KLHL32: variants seen among roughly 807,000 people sequenced by gnomAD.
The protein encoded by KLHL32 is kelch like family member 32.
Under a neutral mutation model 64.8 loss-of-function variants are expected in KLHL32, and 35 were observed. The ratio of observed to expected loss-of-function variants is 0.54; its 90% CI spans 0.41 to 0.72. The LOEUF (loss-of-function observed/expected upper bound fraction) is 0.72. Among genes scored for constraint, KLHL32 ranks in the 30% least tolerant of loss-of-function variants. The pLI is 0.00. For missense variants in KLHL32, 589 were observed against 768.5 expected (o/e 0.77, Z 2.76); for synonymous variants, 259 against 281.0 (o/e 0.92, Z 0.78).
intron 3 of KLHL32, among the ~76,000 whole-genome samples, chr6:97,005,019 T>A (rs1779487758): frequency 6.6e-6 from 1 of 152,092 alleles, no homozygotes; most frequent in African/African-American, 2.4e-5. Context: ...GAAGAGTACA[T>A]CCTCCCCAAT....
intron 3 of KLHL32, among the ~76,000 whole-genome samples, chr6:97,027,017 C>G (rs558502794): frequency 6.6e-6 from 1 of 152,044 alleles, no homozygotes; most frequent in African/African-American, 2.4e-5. Flanking sequence ...CAAAAACCAG[C>G]TGGGCGTGGT....
In KLHL32 at chr6:97,104,141, C is replaced by T. The variant is rs570474191; in HGVS notation, c.628-9642C>T. 2.0e-4 allele frequency among the ~76,000 whole-genome samples: 31 copies of T among 152,340 alleles called. 1 individual carries two copies. In the Middle Eastern group the frequency reaches 0.014, roughly 67 times the overall value. On this transcript the variant is annotated intron_variant, in intron 6 of 10. Coordinates refer to ENST00000369261, the MANE Select transcript of KLHL32 (RefSeq NM_052904.4). ...TCTTATCCTATCTTGATTTTCTCTT[C>T]ATCTTGATATAAAATTTACCTTTTA...
At chr6:97,084,953 T>C (rs1793159049) in intron 5 of KLHL32, among the ~76,000 whole-genome samples, 173 bp from the exon 6 acceptor site, 1 of 152,174 alleles carries the variant, frequency 6.6e-6, no homozygotes, top group African/African-American at 2.4e-5. Flanking sequence ...CTAGAATAGC[T>C]GTTCTCTATG....
At chr6:97,101,414 T>C (rs1795711714) in intron 6 of KLHL32, among the ~76,000 whole-genome samples, 1 of 152,190 alleles carries the variant, frequency 6.6e-6, no homozygotes, top group African/African-American at 2.4e-5. Context: ...AGTTTTATGA[T>C]ATTAATGGAA....
chr6:96,986,829 C>T (rs112617150), intron 3 of KLHL32, among the ~76,000 whole-genome samples: 1,755 of 152,094 alleles, frequency 0.012, 41 homozygotes, highest in African/African-American at 0.04. Flanking sequence ...CTGGGTGAGA[C>T]GATGCCTCGC....
At chr6:96,989,787 T>C (rs1284797208) in intron 3 of KLHL32, among the ~76,000 whole-genome samples, 1 of 152,202 alleles carries the variant, frequency 6.6e-6, no homozygotes, top group Non-Finnish European at 1.5e-5. Flanking sequence ...TCTTGGAGGA[T>C]TTACTCATTT....
chr6:97,121,843 G>C (rs1212631582), intron 7 of KLHL32, among the ~76,000 whole-genome samples: 2 of 152,172 alleles, frequency 1.3e-5, no homozygotes, highest in Non-Finnish European at 2.9e-5. Context: ...GATGGTTAAA[G>C]CTACGCCATA....
chr6:97,004,465 C>T (rs752219479), intron 3 of KLHL32, among the ~76,000 whole-genome samples: 4 of 152,096 alleles, frequency 2.6e-5, no homozygotes, highest in Non-Finnish European at 5.9e-5. Context: ...GGATGCCTTT[C>T]ATTTCTTTCT....
At chr6:97,079,844 A>G (rs1462349539) in intron 5 of KLHL32, among the ~76,000 whole-genome samples, 6 of 152,126 alleles carry the variant, frequency 3.9e-5, no homozygotes, top group Admixed American at 6.5e-5. Flanking sequence ...AAGCAGTGTG[A>G]CAGAAATGAA....
intron 1 of KLHL32, among the ~76,000 whole-genome samples, chr6:96,938,018 C>G (rs1770822976): frequency 6.6e-6 from 1 of 152,204 alleles, no homozygotes. Context: ...GATTCCTTGA[C>G]AACCTTTAGT....
In KLHL32 at chr6:97,000,427, G is replaced by A. The variant is rs148146864; in HGVS notation, c.204+24250G>A. ...GAAGTCTTTCTTGAGGAAGCATGTA[G>A]TAAGTTCATTTGTGTGCTGGTAACC... On this transcript the variant is annotated intron_variant, in intron 3 of 10. Coordinates refer to ENST00000369261, the MANE Select transcript of KLHL32 (RefSeq NM_052904.4). 1.3e-3 allele frequency among the ~76,000 whole-genome samples: 202 copies of A among 152,298 alleles called. 1 individual carries two copies. The highest frequency in any genetic ancestry group is 4.7e-3 in the African/African-American group (194 of 41,564).
chr6:97,106,974 A>AT (rs1156642985), intron 6 of KLHL32, among the ~76,000 whole-genome samples: 1 of 152,092 alleles, frequency 6.6e-6, no homozygotes, highest in Non-Finnish European at 1.5e-5. Flanking sequence ...AGCAGAATTT[A>AT]TTTTTCTAAT....
chr6:97,092,621 C>T (rs1230452628), intron 6 of KLHL32, among the ~76,000 whole-genome samples: 1 of 152,122 alleles, frequency 6.6e-6, no homozygotes, highest in Admixed American at 6.5e-5. Context: ...CTTTGAGGGG[C>T]CCCTAGCTGG....
intron 6 of KLHL32, among the ~76,000 whole-genome samples, chr6:97,098,383 C>T (rs961988302): frequency 2.0e-5 from 3 of 151,746 alleles, no homozygotes; most frequent in African/African-American, 7.3e-5. Context: ...TTTTTTCCTC[C>T]AATGAACATT....
intron 4 of KLHL32, among the ~76,000 whole-genome samples, chr6:97,055,162 C>T (rs1787595920): frequency 6.6e-6 from 1 of 152,136 alleles, no homozygotes; most frequent in African/African-American, 2.4e-5. Flanking sequence ...TGATGAGTTT[C>T]TCACCCTCTC....
chr6:97,052,012 A>G (rs1786990713), intron 4 of KLHL32, among the ~76,000 whole-genome samples: 1 of 152,194 alleles, frequency 6.6e-6, no homozygotes, highest in South Asian at 2.1e-4. Flanking sequence ...CCTTAATATA[A>G]AAAGGCCACC....
At chr6:97,104,411 C>T (rs1796131713) in intron 6 of KLHL32, among the ~76,000 whole-genome samples, 2 of 152,122 alleles carry the variant, frequency 1.3e-5, no homozygotes, top group Admixed American at 1.3e-4. Context: ...AGATGATTAC[C>T]AGAGAACAAA....
intron 3 of KLHL32, among the ~76,000 whole-genome samples, chr6:96,982,665 G>A (rs554465862): frequency 1.8e-4 from 27 of 152,282 alleles, no homozygotes; most frequent in Non-Finnish European, 3.8e-4. Flanking sequence ...GTTCACTCAT[G>A]ATTTGGTTCT....
intron 5 of KLHL32, among the ~76,000 whole-genome samples, chr6:97,079,897 A>G (rs979145375): frequency 6.6e-6 from 1 of 152,216 alleles, no homozygotes; most frequent in Non-Finnish European, 1.5e-5. Context: ...CTTTTACTCA[A>G]GAGAGTTTCT....
Sources: gnomAD v4.1 joint callset for allele counts (sites outside exome capture counted in the v4.1 genomes callset) on GRCh38, gnomAD v4.1.1 for gene constraint, MANE v1.5 for transcripts, NCBI Gene and HGNC (gene_info 2026-07-23, HGNC 2026-07-21) for gene names.